The following SIGLEC10 variants were observed in gnomAD, a reference collection of about 807,000 sequenced individuals.
SIGLEC10 encodes the protein sialic acid binding Ig like lectin 10.
A neutral mutation model predicts 68.3 loss-of-function variants in SIGLEC10; 45 were observed. That is an observed-to-expected ratio of 0.66 (90% CI 0.52 to 0.84). The LOEUF (loss-of-function observed/expected upper bound fraction) is 0.84. Ranked by LOEUF, SIGLEC10 falls within the 40% of genes least tolerant of loss-of-function variation. The pLI, the probability that SIGLEC10 is intolerant of heterozygous loss-of-function variation, is 0.00. For synonymous variants in SIGLEC10, 379 were observed against 370.8 expected, an observed-to-expected ratio of 1.02 and a Z score of -0.26; for missense variants, 789 against 883.1, an observed-to-expected ratio of 0.89 and a Z score of 1.35.
rs187871472 is a variant in SIGLEC10 at position 51,413,927 on chromosome 19, A to G, written c.1710-104T>C. 78 of 819,916 alleles carry G rather than the reference A, an allele frequency of 9.5e-5. 1 individual carries two copies. Among genetic ancestry groups the G allele is most frequent in the African/African-American group, 5.2e-4 (31 of 59,354 alleles). The allele number at this position is 819,916 out of a possible 1,614,324, so 50.8% of individuals were successfully genotyped here. A position where few individuals can be genotyped will look rare whatever the true frequency, so the allele number is the denominator to read the frequency against. On this transcript the variant is annotated intron_variant, in intron 9 of 10. Transcript: ENST00000339313. Reference sequence around the variant, plus strand: ...CACTATGACAGTTACTACTGTTACCACTTGAGACCGTCATTATGAGACTGA... The same window carrying G: ...CACTATGACAGTTACTACTGTTACCGCTTGAGACCGTCATTATGAGACTGA...
Position 51,415,427 on chromosome 19 carries a change from G to A in SIGLEC10, c.1084C>T (p.Leu362Phe), listed in dbSNP as rs139196447. Reference protein sequence around the residue: ...SQANRTVLENLGNGTSLPVLE... With the variant: ...SQANRTVLENFGNGTSLPVLE... ...ACTGGGAGAGACGTGCCGTTCCCAA[G>A]GTTTTCCAGGACTAGGGAAGGAAGA... Residue 362 changes from leucine to phenylalanine, a missense_variant, in exon 7 of 11, where the codon CTT (leucine) becomes TTT (phenylalanine). By Grantham distance (22) the Leu-to-Phe change is conservative. Transcript: ENST00000339313. 54 of 1,605,344 alleles carry A rather than the reference G, an allele frequency of 3.4e-5. No individual in the cohort carries two copies. In the African/African-American group the frequency reaches 6.6e-4, roughly 19 times the overall value.
rs1793033465 is a variant in SIGLEC10, at chr19:51,413,877, T to C, written c.1710-54A>G. 6 of 1,418,782 alleles carry C rather than the reference T, an allele frequency of 4.2e-6. No individual in the cohort carries two copies. In the Admixed American group the frequency reaches 1.0e-4, roughly 24 times the overall value. 87.9% of individuals were successfully genotyped at this position (1,418,782 alleles called of 1,614,324 possible). On this transcript the variant is annotated intron_variant, in intron 9 of 10. Transcript: ENST00000339313. Reference sequence around the variant, plus strand: ...CCTGCTGCACCTCCCTGTGACAGACTGCCACGTTTACTACCTGAGACCGTC... The same window carrying C: ...CCTGCTGCACCTCCCTGTGACAGACCGCCACGTTTACTACCTGAGACCGTC...
chr19:51,410,980 G>T lies in SIGLEC10; in HGVS notation c.*119C>A, dbSNP rs1438417868. The T allele has an allele frequency of 2.5e-6, 3 of 1,189,794 alleles. No homozygotes were observed. In the African/African-American group the frequency reaches 4.6e-5, roughly 18 times the overall value. 73.7% of individuals were successfully genotyped at this position (1,189,794 alleles called of 1,614,324 possible). On this transcript the variant is annotated 3_prime_UTR_variant, in exon 11 of 11. Coordinates refer to ENST00000339313, the MANE Select transcript of SIGLEC10 (RefSeq NM_033130.5). ...TTTTTTTAAAAGAGAGAGAAAGAGA[G>T]AGAGAGAGAGAAAGAGAGAGAGAGA... is the stretch of plus-strand genomic sequence containing the variant.
At chr19:51,411,740 G>A (rs1449667011) in intron 10 of SIGLEC10, among the ~76,000 whole-genome samples, 1 of 152,196 alleles carries the variant, frequency 6.6e-6, no homozygotes, top group Non-Finnish European at 1.5e-5. Flanking sequence ...CAGCTACTCA[G>A]GAGGCTGAGG....
chr19:51,411,282 C>G lies in SIGLEC10; in HGVS notation c.1911G>C (p.Gln637His), dbSNP rs1380613118. The G allele has an allele frequency of 1.2e-6, 2 of 1,614,164 alleles. No homozygotes were observed. Among genetic ancestry groups the G allele is most frequent in the Non-Finnish European group, 1.7e-6 (2 of 1,180,024 alleles). The change falls in exon 11 of 11, where the codon CAG becomes CAC. Residue 637 changes from glutamine to histidine, a missense_variant. Physicochemically the swap from Gln to His is conservative, Grantham distance 24. Coordinates refer to ENST00000339313, the MANE Select transcript of SIGLEC10 (RefSeq NM_033130.5). ...GAPSPESKKN[Q>H]KKQYQLPSFP... ...AACTGGGCAACTGATACTGCTTTTT[C>G]TGGTTCTTCTTTGATTCTGGGGAGG...
intron 9 of SIGLEC10, 22 bp from the exon 10 acceptor site, chr19:51,413,845 T>A (rs750703367): frequency 2.5e-6 from 4 of 1,599,198 alleles, no homozygotes; most frequent in Non-Finnish European, 2.6e-6. Context: ...AACCCACCTG[T>A]TTGTGCCCTG....
rs879207265 is a variant in SIGLEC10, at chr19:51,415,456, A to G, written c.1073-18T>C. On this transcript the variant is annotated intron_variant, in intron 6 of 10. Coordinates refer to ENST00000339313, the MANE Select transcript of SIGLEC10 (RefSeq NM_033130.5). The stretch of plus-strand genomic sequence containing the variant: ...TTCCAGGACTAGGGAAGGAAGAGGC[A>G]GAATCGATGAGCAGCTCAGGGCTCA... 6.2e-7 allele frequency: 1 copy of G among 1,608,920 alleles called. No homozygotes were observed. Among genetic ancestry groups the G allele is most frequent in the South Asian group, 1.1e-5 (1 of 90,846 alleles).
intron 10 of SIGLEC10, among the ~76,000 whole-genome samples, chr19:51,411,866 G>C (rs917133695): frequency 2.7e-5 from 4 of 150,794 alleles, no homozygotes; most frequent in African/African-American, 9.8e-5. Context: ...TTGATAGCCG[G>C]GTACGGTGGT....
Position 51,415,414 on chromosome 19 carries a change from G to C in SIGLEC10, c.1097C>G (p.Thr366Arg). The C allele has an allele frequency of 1.9e-6, 3 of 1,605,180 alleles. No individual in the cohort carries two copies. The highest frequency in any genetic ancestry group is 1.7e-6 in the Non-Finnish European group (2 of 1,174,850). The change falls in exon 7 of 11, where the codon ACG becomes AGG. Residue 366 changes from threonine to arginine, a missense_variant. By Grantham distance (71) the Thr-to-Arg change is moderately conservative (BLOSUM62 -1). Coordinates refer to ENST00000339313, the MANE Select transcript of SIGLEC10 (RefSeq NM_033130.5). Reference sequence around the variant, plus strand: ...TTGGCCCTCCAGTACTGGGAGAGACGTGCCGTTCCCAAGGTTTTCCAGGAC... The same window carrying C: ...TTGGCCCTCCAGTACTGGGAGAGACCTGCCGTTCCCAAGGTTTTCCAGGAC... ...RTVLENLGNG[T>R]SLPVLEGQSL...
chr19:51,415,579 G>T lies in SIGLEC10; in HGVS notation c.1061C>A (p.Ala354Glu), dbSNP rs569196425. 5.0e-6 allele frequency: 8 copies of T among 1,613,850 alleles called. No homozygotes were observed. The highest frequency in any genetic ancestry group is 2.2e-5 in the East Asian group (1 of 44,886). Reference sequence around the variant, plus strand: ...GTCCCCTTTCCTACCTGTCCTGTTTGCTTGGGAAACCATCACTCTCAGGTT... The same window carrying T: ...GTCCCCTTTCCTACCTGTCCTGTTTTCTTGGGAAACCATCACTCTCAGGTT... The part of the protein sequence containing the change: ...PENLRVMVSQ[A>E]NRTVLENLGN... Residue 354 changes from alanine (A) to glutamate (E), a missense_variant, in exon 6 of 11, where the codon GCA becomes GAA. Transcript: ENST00000339313.
rs1988809460 is a variant in SIGLEC10 at position 51,417,461 on chromosome 19, G to C, written c.42C>G (p.Ser14=). The C allele has an allele frequency of 6.2e-7, 1 of 1,613,794 alleles. No individual in the cohort carries two copies. Among genetic ancestry groups the C allele is most frequent in the African/African-American group, 1.3e-5 (1 of 75,068 alleles). ...TCCAGAATCTCCCATCCATAGCCTG[G>C]GACCCTGTGGGGAGACAGAGGCTCA... is the stretch of plus-strand genomic sequence containing the variant. ...PLLLSSLLGG[S]QAMDGRFWIR... is the part of the protein sequence containing the mutation. Residue 14 remains serine (S), a synonymous_variant, in exon 2 of 11, where the codon TCC becomes TCG. Coordinates refer to ENST00000339313, the MANE Select transcript of SIGLEC10 (RefSeq NM_033130.5).
chr19:51,415,968 T>C lies in SIGLEC10; in HGVS notation c.954A>G (p.Ser318=), dbSNP rs750834536. The change falls in exon 5 of 11, where the codon TCA becomes TCG. Residue 318 remains serine (S), a synonymous_variant. Transcript: ENST00000339313. The part of the protein sequence containing the change: ...LELPGVKAGD[S]GRYTCRAENR... ...TCTCCGCTCGGCAGGTGTAGCGCCCTGAATCCCCAGCCTTCACCCCGGGCA... is the reference window on the plus strand; with the variant it reads ...TCTCCGCTCGGCAGGTGTAGCGCCCCGAATCCCCAGCCTTCACCCCGGGCA... 36 of 1,613,568 alleles carry C rather than the reference T, an allele frequency of 2.2e-5. No individual in the cohort carries two copies. The East Asian group carries it at 4.7e-4, about 21-fold the overall frequency.
Position 51,411,387 on chromosome 19 carries a change from C to G in SIGLEC10, c.1822-16G>C. The G allele has an allele frequency of 6.2e-7, 1 of 1,612,204 alleles. No homozygotes were observed. Among genetic ancestry groups the G allele is most frequent in the Non-Finnish European group, 8.5e-7 (1 of 1,178,534 alleles). ...GCTTCTGAGCCTGAGGGAAGAACCA[C>G]CATCCTTCATTCATTCATTCAGCAA... On this transcript the variant is annotated splice_polypyrimidine_tract_variant and intron_variant, in intron 10 of 10. Transcript: ENST00000339313.
At position 51,415,106 on chromosome 19, in the gene SIGLEC10, A is replaced by T; in HGVS notation, c.1333T>A (p.Ser445Thr). The T allele has an allele frequency of 6.4e-7, 1 of 1,572,128 alleles. No individual in the cohort carries two copies. The highest frequency in any genetic ancestry group is 1.9e-5 in the Admixed American group (1 of 52,750). The change falls in exon 8 of 11, where the codon TCC becomes ACC. Residue 445 changes from serine (S) to threonine (T), a missense_variant and splice_region_variant. Ser to Thr is a moderately conservative substitution (Grantham distance 58). Transcript: ENST00000339313. Reference protein sequence around the residue: ...HVSLSLSVHYSPKLLGPSCSW... With the variant: ...HVSLSLSVHYTPKLLGPSCSW... Reference sequence around the variant, plus strand: ...CAGGAGGGGCCCAGCAGCTTCGGGGAGTCTGAGGGGAGGGAGGACAGGACT... The same window carrying T: ...CAGGAGGGGCCCAGCAGCTTCGGGGTGTCTGAGGGGAGGGAGGACAGGACT...
rs1214636438 is a variant in SIGLEC10, at chr19:51,416,184, A to G, written c.755-17T>C. The G allele has an allele frequency of 3.7e-6, 6 of 1,600,128 alleles. No homozygotes were observed. The highest frequency in any genetic ancestry group is 3.4e-6 in the Non-Finnish European group (4 of 1,174,042). On this transcript the variant is annotated splice_polypyrimidine_tract_variant and intron_variant, in intron 4 of 10. Transcript: ENST00000339313. ...GCTCCAGGGCTGGAGTGGGAGGAAA[A>G]AAAAAAAAGAGAGAAAGGGAGGGAG...
In SIGLEC10 at chr19:51,415,567, C is replaced by T. The variant is rs765057442; in HGVS notation, c.1072+1G>A. On this transcript the variant is annotated splice_donor_variant, in intron 6 of 10. Coordinates refer to ENST00000339313, the MANE Select transcript of SIGLEC10 (RefSeq NM_033130.5). LOFTEE classifies it high-confidence loss of function. Reference sequence around the variant, plus strand: ...CTTGGCTCCTCTGTCCCCTTTCCTACCTGTCCTGTTTGCTTGGGAAACCAT... The same window carrying T: ...CTTGGCTCCTCTGTCCCCTTTCCTATCTGTCCTGTTTGCTTGGGAAACCAT... 2 of 1,614,028 alleles carry T rather than the reference C, an allele frequency of 1.2e-6. No individual in the cohort carries two copies. Among genetic ancestry groups the T allele is most frequent in the Non-Finnish European group, 1.7e-6 (2 of 1,179,894 alleles).
rs1599882772 is a variant in SIGLEC10 at position 51,410,928 on chromosome 19, C to T, written c.*171G>A. ...CCTCCCAAAGTGCTGGGATTACAGG[C>T]GTGAGCCACTGTGCCCTGGCCAGAT... is the stretch of plus-strand genomic sequence containing the variant. On this transcript the variant is annotated 3_prime_UTR_variant, in exon 11 of 11. Coordinates refer to ENST00000339313, the MANE Select transcript of SIGLEC10 (RefSeq NM_033130.5). 14 of 760,384 alleles carry T rather than the reference C, an allele frequency of 1.8e-5. No homozygotes were observed. The highest frequency in any genetic ancestry group is 4.0e-5 in the South Asian group (2 of 50,498). 47.1% of individuals were successfully genotyped at this position (760,384 alleles called of 1,614,324 possible). A position where few individuals can be genotyped will look rare whatever the true frequency, so the allele number is the denominator to read the frequency against.
In SIGLEC10 at chr19:51,415,629, A is replaced by G. The variant is rs1380907617; in HGVS notation, c.1025-14T>C. 3 of 1,613,842 alleles carry G rather than the reference A, an allele frequency of 1.9e-6. No individual in the cohort carries two copies. The highest frequency in any genetic ancestry group is 1.7e-6 in the Non-Finnish European group (2 of 1,179,808). On this transcript the variant is annotated splice_polypyrimidine_tract_variant and intron_variant, in intron 5 of 10. Transcript: ENST00000339313. ...TCTCTGGAGGATCTGAAATGGAGAC[A>G]GGGGACCGGCTCTAGACGGACCAGG... is the stretch of plus-strand genomic sequence containing the variant.
Position 51,415,569 on chromosome 19 carries a change from T to C in SIGLEC10, c.1071A>G (p.Thr357=). The change falls in exon 6 of 11, where the codon ACA becomes ACG. Residue 357 remains threonine (T), a splice_region_variant and synonymous_variant. Transcript: ENST00000339313. ...TGGCTCCTCTGTCCCCTTTCCTACCTGTCCTGTTTGCTTGGGAAACCATCA... is the reference window on the plus strand; with the variant it reads ...TGGCTCCTCTGTCCCCTTTCCTACCCGTCCTGTTTGCTTGGGAAACCATCA... The part of the protein sequence containing the change: ...LRVMVSQANR[T]VLENLGNGTS... The C allele has an allele frequency of 1.2e-6, 2 of 1,614,024 alleles. No individual in the cohort carries two copies. The highest frequency in any genetic ancestry group is 1.7e-6 in the Non-Finnish European group (2 of 1,179,894).
Sources: allele counts gnomAD v4.1 joint callset (sites outside exome capture counted in the v4.1 genomes callset), GRCh38; gene constraint gnomAD v4.1.1; transcripts MANE v1.5; gene names NCBI Gene and HGNC (gene_info 2026-07-23, HGNC 2026-07-21).